Variants in SNTB1 observed in about 807,000 individuals in gnomAD.
The protein encoded by SNTB1 is syntrophin beta 1.
In SNTB1, 36 loss-of-function variants were observed where a neutral mutation model predicts 48.9. That is an observed-to-expected ratio of 0.74 (90% CI 0.56 to 0.97). The LOEUF is 0.97. Ranked by LOEUF, SNTB1 falls within the 50% of genes least tolerant of loss-of-function variation. SNTB1 has a pLI of 0.00. For synonymous variants in SNTB1, 299 were observed against 294.6 expected (o/e 1.01, Z -0.15); for missense variants, 786 against 703.4 (o/e 1.12, Z -1.33).
At chr8:120,584,165 C>T (rs997359131) in intron 3 of SNTB1, among the ~76,000 whole-genome samples, 19 of 151,538 alleles carry the variant, frequency 1.3e-4, no homozygotes, top group African/African-American at 3.2e-4. Context: ...AATTAGGGCA[C>T]GCACGGTGGC....
At chr8:120,689,743 A>T (rs1297334757) in intron 2 of SNTB1, among the ~76,000 whole-genome samples, 1 of 151,964 alleles carries the variant, frequency 6.6e-6, no homozygotes, top group Non-Finnish European at 1.5e-5. Context: ...GCTTTAAAAA[A>T]CCCATGAAAA....
chr8:120,629,262 C>G (rs1816940469), intron 3 of SNTB1, among the ~76,000 whole-genome samples: 1 of 152,152 alleles, frequency 6.6e-6, no homozygotes, highest in Non-Finnish European at 1.5e-5. Context: ...ATTAAACTTT[C>G]CTCCTGTGTA....
At chr8:120,777,848 C>T (rs1033679117) in intron 1 of SNTB1, among the ~76,000 whole-genome samples, 5 of 152,176 alleles carry the variant, frequency 3.3e-5, no homozygotes, top group Admixed American at 6.5e-5. Flanking sequence ...CAGATTTAGA[C>T]AATATGAGGG....
chr8:120,621,768 C>A (rs912376438), intron 3 of SNTB1, among the ~76,000 whole-genome samples: 1 of 152,148 alleles, frequency 6.6e-6, no homozygotes, highest in Non-Finnish European at 1.5e-5. Context: ...TCTTCTTTCT[C>A]CTTTCATGCA....
chr8:120,692,271 A>C (rs889580516), intron 2 of SNTB1, among the ~76,000 whole-genome samples: 1 of 152,104 alleles, frequency 6.6e-6, no homozygotes, highest in African/African-American at 2.4e-5. Flanking sequence ...CAAGGAAGCA[A>C]CTTTCTCCCT....
rs73325135 is a variant in SNTB1, at chr8:120,793,205, C to T, written c.571+18068G>A. 2.6e-3 allele frequency among the ~76,000 whole-genome samples: 401 copies of T among 152,010 alleles called. 1 individual carries two copies. The highest frequency in any genetic ancestry group is 0.014 in the Middle Eastern group (4 of 294). On this transcript the variant is annotated intron_variant, in intron 1 of 6. Coordinates refer to ENST00000517992, the MANE Select transcript of SNTB1 (RefSeq NM_021021.4). ...TGGAGAGTAAGTCTGGGAAATGTGC[C>T]TTATTTGGCATAAGGAGAGGGTGGG... is the stretch of plus-strand genomic sequence containing the variant.
chr8:120,726,047 C>T (rs557137935), intron 1 of SNTB1, among the ~76,000 whole-genome samples: 3 of 152,238 alleles, frequency 2.0e-5, no homozygotes, highest in Non-Finnish European at 4.4e-5. Flanking sequence ...TATATTGAAA[C>T]GACTGCCTCT....
chr8:120,546,757 A>C (rs1314620182), intron 5 of SNTB1, among the ~76,000 whole-genome samples: 1 of 152,216 alleles, frequency 6.6e-6, no homozygotes, highest in East Asian at 1.9e-4. Flanking sequence ...GGCGTGAGCC[A>C]CCACACCGGG....
intron 2 of SNTB1, among the ~76,000 whole-genome samples, chr8:120,667,455 A>C (rs187593548): frequency 8.5e-5 from 13 of 152,350 alleles, no homozygotes; most frequent in African/African-American, 3.1e-4. Context: ...AAAAAGATAC[A>C]GGAGGAGAAA....
At chr8:120,594,219 G>A (rs183248269) in intron 3 of SNTB1, among the ~76,000 whole-genome samples, 9 of 151,892 alleles carry the variant, frequency 5.9e-5, no homozygotes, top group Middle Eastern at 3.4e-3. Context: ...GCATCCCACC[G>A]CACTGAGCTA....
rs533693538 is a variant in SNTB1 at position 120,769,291 on chromosome 8, G to A, written c.571+41982C>T. Reference sequence around the variant, plus strand: ...TATCCTTTTTTCAAGCAGATTTCTGGACAAGAGGAACCCAGTCAGAACCTT... The same window carrying A: ...TATCCTTTTTTCAAGCAGATTTCTGAACAAGAGGAACCCAGTCAGAACCTT... On this transcript the variant is annotated intron_variant, in intron 1 of 6. Transcript: ENST00000517992. The A allele has an allele frequency of 5.3e-5, 8 of 152,168 alleles. No individual in the cohort carries two copies. The South Asian group carries it at 1.5e-3, about 28-fold the overall frequency. 9.4% of individuals were successfully genotyped at this position (152,168 alleles called of 1,614,324 possible).
chr8:120,802,230 A>G (rs1413509743), intron 1 of SNTB1, among the ~76,000 whole-genome samples: 1 of 152,188 alleles, frequency 6.6e-6, no homozygotes, highest in Non-Finnish European at 1.5e-5. Flanking sequence ...AACAGTCAAT[A>G]AAAGAAACAT....
intron 1 of SNTB1, among the ~76,000 whole-genome samples, chr8:120,697,018 T>A (rs1395677937): frequency 6.6e-6 from 1 of 152,080 alleles, no homozygotes; most frequent in African/African-American, 2.4e-5. Flanking sequence ...AGAGAAAGGA[T>A]TAGAAGTAGA....
At chr8:120,708,340 A>G (rs1373153420) in intron 1 of SNTB1, among the ~76,000 whole-genome samples, 2 of 151,952 alleles carry the variant, frequency 1.3e-5, no homozygotes, top group African/African-American at 4.8e-5. Context: ...AAAAGAAAAT[A>G]CTAGAACCAG....
intron 2 of SNTB1, among the ~76,000 whole-genome samples, chr8:120,672,851 G>A (rs1007946810): frequency 1.3e-5 from 2 of 152,010 alleles, no homozygotes; most frequent in Non-Finnish European, 2.9e-5. Context: ...AGTTATCACA[G>A]GGGGATGATT....
At chr8:120,560,205 G>T (rs895821525) in intron 4 of SNTB1, among the ~76,000 whole-genome samples, 1 of 152,130 alleles carries the variant, frequency 6.6e-6, no homozygotes, top group South Asian at 2.1e-4. Flanking sequence ...CATCTGGGCC[G>T]GGTGCGGTGG....
chr8:120,679,259 A>C (rs961998963), intron 2 of SNTB1, among the ~76,000 whole-genome samples: 2 of 152,230 alleles, frequency 1.3e-5, no homozygotes, highest in South Asian at 2.1e-4. Flanking sequence ...CCATTCTAAA[A>C]ATTGGCAAAT....
chr8:120,636,961 G>A, intron 2 of SNTB1: 1 of 292,624 alleles, frequency 3.4e-6, no homozygotes, highest in Non-Finnish European at 7.0e-6. Context: ...AAATTGTCAT[G>A]TACTGTTAAG....
chr8:120,802,521 C>T (rs1820246114), intron 1 of SNTB1, among the ~76,000 whole-genome samples: 1 of 152,074 alleles, frequency 6.6e-6, no homozygotes, highest in Admixed American at 6.6e-5. Context: ...GGAAATACAC[C>T]CGTGTGGAAT....
Sources: allele counts gnomAD v4.1 joint callset (sites outside exome capture counted in the v4.1 genomes callset), GRCh38; gene constraint gnomAD v4.1.1; transcripts MANE v1.5; gene names NCBI Gene and HGNC (gene_info 2026-07-23, HGNC 2026-07-21).